Variants in CDKN2A observed in about 807,000 individuals in gnomAD.
The protein encoded by CDKN2A is cyclin-dependent kinase inhibitor 2A.
In CDKN2A, 3 loss-of-function variants were observed where a neutral mutation model predicts 11.1. That is an observed-to-expected ratio of 0.27 (90% confidence interval 0.12 to 0.70). CDKN2A has a LOEUF of 0.70. CDKN2A is among the 30% of genes least tolerant of loss of function. The pLI, the probability that CDKN2A is intolerant of heterozygous loss-of-function variation, is 0.77. For missense variants in CDKN2A, 265 were observed against 233.6 expected, an observed-to-expected ratio of 1.13 and a Z score of -0.88; for synonymous variants, 122 against 108.1, an observed-to-expected ratio of 1.13 and a Z score of -0.80.
chr9:21,978,924 G>C (rs938929908), upstream of CDKN2A, among the ~76,000 whole-genome samples: 1 of 152,156 alleles, frequency 6.6e-6, no homozygotes, highest in African/African-American at 2.4e-5. Context: ...TGCATGATTA[G>C]GATAATAACT....
At chr9:21,979,544 G>T (rs879065178), upstream of CDKN2A, among the ~76,000 whole-genome samples, 1 of 152,196 alleles carries the variant, frequency 6.6e-6, no homozygotes, top group Non-Finnish European at 1.5e-5. Context: ...AAAGTACAGC[G>T]GTGGTTATAG....
rs1472049570 is a variant in CDKN2A at position 21,968,835 on chromosome 9, T to A, written c.458-593A>T. On this transcript the variant is annotated intron_variant, in intron 2 of 2. Transcript: ENST00000304494. The surrounding 1 kb of genome is among the most constrained non-coding windows in gnomAD (Gnocchi z 4.7). ...GCTTCTGCCTTCCTCTCTAATCTCG[T>A]TGCGTATGGGCTCCAGCTCGCCGTT... 18 of 1,486,646 alleles carry A rather than the reference T, an allele frequency of 1.2e-5. No homozygotes were observed. Among genetic ancestry groups the A allele is most frequent in the Admixed American group, 2.0e-5 (1 of 50,926 alleles). The allele number at this position is 1,486,646 out of a possible 1,614,324, so 92.1% of individuals were successfully genotyped here.
chr9:21,994,093 AAAC>A (rs1489533531), intron 1 of CDKN2A: 1 of 1,579,860 alleles, frequency 6.3e-7, no homozygotes, highest in East Asian at 2.2e-5. Context: ...ACACCAAACA[AAAC>A]AAGTGCCGAA....
chr9:21,993,879 C>A (rs1345254030), intron 2 of CDKN2A: 1 of 559,798 alleles, frequency 1.8e-6, no homozygotes, highest in Non-Finnish European at 3.2e-6. Context: ...ATTCGGGACT[C>A]ACTGACTTCT....
At position 21,968,360 on chromosome 9, in the gene CDKN2A, C is replaced by T. The variant is rs1161407205; in HGVS notation, c.458-118G>A. On this transcript the variant is annotated intron_variant, in intron 2 of 2. Transcript: ENST00000304494. This position sits in a 1 kb window ranked among gnomAD's most constrained non-coding sequence, Gnocchi z 4.7. ...TTGAAATACTTATGGATAAAGTTCT[C>T]GCAATGGCTTCACGTGCATGTACCC... 11 of 1,507,610 alleles carry T rather than the reference C, an allele frequency of 7.3e-6. No individual in the cohort carries two copies. In the Admixed American group the frequency reaches 7.6e-5, roughly 10 times the overall value. The allele number at this position is 1,507,610 out of a possible 1,614,324, so 93.4% of individuals were successfully genotyped here.
chr9:21,993,767 A>C (rs999026891), intron 2 of CDKN2A: 1 of 259,858 alleles, frequency 3.8e-6, no homozygotes, highest in Non-Finnish European at 7.4e-6. Flanking sequence ...CCCCAAGGAG[A>C]AAGAAAGTGT....
rs942445521 is a variant in CDKN2A, at chr9:21,992,173, A to G, written c.-4+1709T>C. On this transcript the variant is annotated intron_variant, in intron 2 of 3. Transcript: ENST00000494262. ...AAAATAACATCTTATTTGCAATGAT[A>G]TTAAATAATTCATACAAGTAATTTT... 3.8e-5 allele frequency: 31 copies of G among 819,162 alleles called. No individual in the cohort carries two copies. The African/African-American group carries it at 5.0e-4, about 13-fold the overall frequency. The allele number at this position is 819,162 out of a possible 1,614,324, so 50.7% of individuals were successfully genotyped here. A position where few individuals can be genotyped will look rare whatever the true frequency, so the allele number is the denominator to read the frequency against.
rs1261491789 is a variant in CDKN2A at position 21,988,992 on chromosome 9, T to C, written c.-4+4890A>G. Among the ~76,000 whole-genome samples, 4 of 152,306 alleles carry C rather than the reference T, an allele frequency of 2.6e-5. No individual in the cohort carries two copies. Among genetic ancestry groups the C allele is most frequent in the African/African-American group, 9.6e-5 (4 of 41,568 alleles). ...CTTCATAATGCCGTCCTTGACTAAC[T>C]CTCCTCTAGCAATACTATTGGTTTT... is the stretch of plus-strand genomic sequence containing the variant. On this transcript the variant is annotated intron_variant, in intron 2 of 3. Transcript: ENST00000494262. This position sits in a 1 kb window ranked among gnomAD's most constrained non-coding sequence, Gnocchi z 4.1.
At chr9:21,974,874 C>T (rs1248498375), upstream of CDKN2A, 2 of 1,479,888 alleles carry the variant, frequency 1.4e-6, no homozygotes, top group Admixed American at 5.1e-5. The surrounding 1 kb of genome is among the most constrained non-coding windows in gnomAD (Gnocchi z 5.2). Flanking sequence ...TCCGCAGCCG[C>T]CGAGCGCACG....
chr9:21,992,530 T>C (rs1187287337), intron 2 of CDKN2A: 1 of 657,428 alleles, frequency 1.5e-6, no homozygotes, highest in Non-Finnish European at 1.9e-6. Context: ...TTTAAATATT[T>C]TTGCATTTCA....
chr9:21,985,747 G>A (rs1820284758), intron 2 of CDKN2A, among the ~76,000 whole-genome samples: 1 of 151,840 alleles, frequency 6.6e-6, no homozygotes, highest in Non-Finnish European at 1.5e-5. Flanking sequence ...TACCCTAAAG[G>A]CCACCATATA....
chr9:21,978,442 C>T (rs1820093143), upstream of CDKN2A, among the ~76,000 whole-genome samples: 1 of 152,168 alleles, frequency 6.6e-6, no homozygotes, highest in South Asian at 2.1e-4. Context: ...CTCCTTATGC[C>T]AGTCTCAGAT....
upstream of CDKN2A, chr9:21,975,010 G>A: frequency 7.2e-7 from 1 of 1,385,658 alleles, no homozygotes; most frequent in Non-Finnish European, 9.3e-7. Flanking sequence ...TTCCAGGCAA[G>A]GGGACGCCGT....
chr9:21,986,220 G>A (rs1019099972), intron 2 of CDKN2A, among the ~76,000 whole-genome samples: 2 of 152,020 alleles, frequency 1.3e-5, no homozygotes, highest in Non-Finnish European at 2.9e-5. Flanking sequence ...TCAACTGCAC[G>A]CTTCAAGTGG....
chr9:21,973,191 C>T (rs1193251529), intron 1 of CDKN2A, among the ~76,000 whole-genome samples: 1 of 151,926 alleles, frequency 6.6e-6, no homozygotes, highest in Non-Finnish European at 1.5e-5. Flanking sequence ...AAAAGTAACC[C>T]ATATGTAAAT....
Position 21,991,936 on chromosome 9 carries a change from G to A in CDKN2A, c.-4+1946C>T. 1.0e-6 allele frequency: 1 copy of A among 984,248 alleles called. No individual in the cohort carries two copies. Among genetic ancestry groups the A allele is most frequent in the Non-Finnish European group, 1.2e-6 (1 of 828,886 alleles). The allele number at this position is 984,248 out of a possible 1,614,324, so 61.0% of individuals were successfully genotyped here. On this transcript the variant is annotated intron_variant, in intron 2 of 3. Transcript: ENST00000494262. The surrounding 1 kb of genome is among the most constrained non-coding windows in gnomAD (Gnocchi z 5.2). ...AAGAAAAAAATAACCTGAGCCTTCTGAAGTAGCTATAAACAAATGAATATT... is the reference window on the plus strand; with the variant it reads ...AAGAAAAAAATAACCTGAGCCTTCTAAAGTAGCTATAAACAAATGAATATT...
rs1819489223 is a variant in CDKN2A at position 21,967,938 on chromosome 9, G to A, written c.*291C>T. On this transcript the variant is annotated 3_prime_UTR_variant, in exon 3 of 3. Coordinates refer to ENST00000304494, the MANE Select transcript of CDKN2A (RefSeq NM_000077.5). Reference sequence around the variant, plus strand: ...AAATGCCCACATGAATGTGCGCTTAGGGCGTGAGTGCTCACTCCAGAAAAC... The same window carrying A: ...AAATGCCCACATGAATGTGCGCTTAAGGCGTGAGTGCTCACTCCAGAAAAC... 1 of 444,130 alleles carries A rather than the reference G, an allele frequency of 2.3e-6. No homozygotes were observed. Among genetic ancestry groups the A allele is most frequent in the African/African-American group, 1.9e-5 (1 of 51,468 alleles). The allele number at this position is 444,130 out of a possible 1,614,324, so 27.5% of individuals were successfully genotyped here. A position where few individuals can be genotyped will look rare whatever the true frequency, so the allele number is the denominator to read the frequency against.
At position 21,968,454 on chromosome 9, in the gene CDKN2A, G is replaced by A. The variant is rs1819517913; in HGVS notation, c.458-212C>T. 1 of 1,486,534 alleles carries A rather than the reference G, an allele frequency of 6.7e-7. No individual in the cohort carries two copies. Among genetic ancestry groups the A allele is most frequent in the African/African-American group, 1.4e-5 (1 of 71,732 alleles). The allele number at this position is 1,486,534 out of a possible 1,614,324, so 92.1% of individuals were successfully genotyped here. On this transcript the variant is annotated intron_variant, in intron 2 of 2. Coordinates refer to ENST00000304494, the MANE Select transcript of CDKN2A (RefSeq NM_000077.5). This position sits in a 1 kb window ranked among gnomAD's most constrained non-coding sequence, Gnocchi z 4.7. ...CACTGCCCGCCTGGCTGCTCCAGGC[G>A]CGCCGACCGCTCAAGCGCTCCAGGT... is the stretch of plus-strand genomic sequence containing the variant.
chr9:21,995,303 T>G (rs1820599566), upstream of CDKN2A: 4 of 152,306 alleles, frequency 2.6e-5, no homozygotes. The surrounding 1 kb of genome is among the most constrained non-coding windows in gnomAD (Gnocchi z 5.7). Context: ...GTTTTAACCT[T>G]CACGACAGCC....
Sources: allele counts gnomAD v4.1 joint callset (sites outside exome capture counted in the v4.1 genomes callset), GRCh38; gene constraint gnomAD v4.1.1; non-coding constraint Gnocchi (gnomAD v3.1); transcripts MANE v1.5; gene names NCBI Gene and HGNC (gene_info 2026-07-23, HGNC 2026-07-21).